Variants in ATXN3 observed in about 807,000 individuals in gnomAD.
The protein encoded by ATXN3 is ataxin 3.
Under a neutral mutation model 58.2 loss-of-function variants are expected in ATXN3, and 28 were observed. The observed-to-expected ratio is 0.48, with a 90% CI of 0.36 to 0.66. The LOEUF is 0.66. Ranked by LOEUF, ATXN3 falls within the 30% of genes least tolerant of loss-of-function variation. ATXN3 has a pLI of 0.00. For missense variants in ATXN3, 321 were observed against 422.1 expected, an observed-to-expected ratio of 0.76 and a Z score of 2.10; for synonymous variants, 113 against 138.5, an observed-to-expected ratio of 0.82 and a Z score of 1.29.
chr14:92,072,785 AG>A (rs2059667773), intron 9 of ATXN3, among the ~76,000 whole-genome samples: 1 of 152,076 alleles, frequency 6.6e-6, no homozygotes, highest in Non-Finnish European at 1.5e-5. Flanking sequence ...GAATTTGAAA[AG>A]GAACAAGGAT....
Position 92,098,405 on chromosome 14 carries a change from C to A in ATXN3, c.25-1567G>T, listed in dbSNP as rs150823108. 1.3e-3 allele frequency among the ~76,000 whole-genome samples: 198 copies of A among 152,132 alleles called. 1 individual carries two copies. In the East Asian group the frequency reaches 0.024, roughly 18 times the overall value. ...GAGTTCGAGACCAGCCTGACCAATACGGTGAAACCTCGTCTCTACTAAAAA... is the reference window on the plus strand; with the variant it reads ...GAGTTCGAGACCAGCCTGACCAATAAGGTGAAACCTCGTCTCTACTAAAAA... On this transcript the variant is annotated intron_variant, in intron 1 of 10. Coordinates refer to ENST00000644486, the MANE Select transcript of ATXN3 (RefSeq NM_004993.6).
intron 7 of ATXN3, 92 bp from the exon 8 acceptor site, chr14:92,082,558 T>C: frequency 3.4e-6 from 4 of 1,186,346 alleles, no homozygotes; most frequent in Non-Finnish European, 4.6e-6. Flanking sequence ...TTTAAGTAAG[T>C]CAAAACTTAA....
At chr14:92,072,444 C>T (rs2059600509) in intron 9 of ATXN3, among the ~76,000 whole-genome samples, 1 of 152,024 alleles carries the variant, frequency 6.6e-6, no homozygotes, top group Non-Finnish European at 1.5e-5. Context: ...TTTTGAGCAC[C>T]AACATGATAC....
In ATXN3 at chr14:92,064,375, A is replaced by C. The variant is rs2058003503; in HGVS notation, c.1031T>G (p.Val344Gly). Residue 344 changes from valine to glycine, a missense_variant, in exon 11 of 11, where the codon GTG becomes GGG. Val to Gly is a moderately radical substitution (Grantham distance 109, BLOSUM62 -3). Transcript: ENST00000644486. ...TCTGACAGTTTCTAAAGACATGGTCACAGCTGCCTGAAGCATGTCTTCTTC... is the reference window on the plus strand; with the variant it reads ...TCTGACAGTTTCTAAAGACATGGTCCCAGCTGCCTGAAGCATGTCTTCTTC... ...MSEEDMLQAA[V>G]TMSLETVRND... 1 of 1,613,224 alleles carries C rather than the reference A, an allele frequency of 6.2e-7. No homozygotes were observed. Among genetic ancestry groups the C allele is most frequent in the Non-Finnish European group, 8.5e-7 (1 of 1,179,552 alleles).
At chr14:92,076,749 G>T (rs890289477) in intron 9 of ATXN3, among the ~76,000 whole-genome samples, 2 of 151,968 alleles carry the variant, frequency 1.3e-5, no homozygotes, top group East Asian at 3.9e-4. Context: ...AAACCAGCCT[G>T]GGCAACATGG....
At position 92,064,376 on chromosome 14, in the gene ATXN3, C is replaced by A; in HGVS notation, c.1030G>T (p.Val344Leu). The stretch of plus-strand genomic sequence containing the variant: ...CTGACAGTTTCTAAAGACATGGTCA[C>A]AGCTGCCTGAAGCATGTCTTCTTCA... ...MSEEDMLQAA[V>L]TMSLETVRND... Residue 344 changes from valine to leucine, a missense_variant, in exon 11 of 11, where the codon GTG (valine) becomes TTG (leucine). Val to Leu is a conservative substitution (Grantham distance 32, BLOSUM62 1). Coordinates refer to ENST00000644486, the MANE Select transcript of ATXN3 (RefSeq NM_004993.6). The A allele has an allele frequency of 1.2e-6, 2 of 1,613,252 alleles. No homozygotes were observed. The highest frequency in any genetic ancestry group is 1.7e-6 in the Non-Finnish European group (2 of 1,179,512).
chr14:92,092,529 A>T (rs1595889125), intron 5 of ATXN3, among the ~76,000 whole-genome samples: 1 of 152,354 alleles, frequency 6.6e-6, no homozygotes, highest in East Asian at 1.9e-4. Context: ...TGCTTTATTC[A>T]TGCTTGACAC....
At chr14:92,072,840 T>C (rs910551150) in intron 9 of ATXN3, among the ~76,000 whole-genome samples, 2 of 152,230 alleles carry the variant, frequency 1.3e-5, no homozygotes, top group Non-Finnish European at 2.9e-5. Context: ...GGCACATTTT[T>C]TATAGAGTTC....
In ATXN3 at chr14:92,062,582, A is replaced by G. The variant is rs562006347; in HGVS notation, c.*1738T>C. 50 of 152,326 alleles carry G rather than the reference A, an allele frequency of 3.3e-4. No individual in the cohort carries two copies. The highest frequency in any genetic ancestry group is 1.2e-3 in the African/African-American group (49 of 41,578). 9.4% of individuals were successfully genotyped at this position (152,326 alleles called of 1,614,324 possible). On this transcript the variant is annotated 3_prime_UTR_variant, in exon 11 of 11. Coordinates refer to ENST00000644486, the MANE Select transcript of ATXN3 (RefSeq NM_004993.6). ...CTTGAGGGAGTAGTACTAAACTCCAACATCCCTTGCAGTTTTAAAGTTTTA... is the reference window on the plus strand; with the variant it reads ...CTTGAGGGAGTAGTACTAAACTCCAGCATCCCTTGCAGTTTTAAAGTTTTA...
In ATXN3 at chr14:92,106,415, G is replaced by T; in HGVS notation, c.24+114C>A. 5.0e-6 allele frequency: 7 copies of T among 1,386,450 alleles called. No individual in the cohort carries two copies. In the South Asian group the frequency reaches 7.1e-5, roughly 14 times the overall value. 85.9% of individuals were successfully genotyped at this position (1,386,450 alleles called of 1,614,324 possible). A position where few individuals can be genotyped will look rare whatever the true frequency, so the allele number is the denominator to read the frequency against. On this transcript the variant is annotated intron_variant, in intron 1 of 10. Coordinates refer to ENST00000644486, the MANE Select transcript of ATXN3 (RefSeq NM_004993.6). ...GCTGCGGCGTCGCCCCTCGCCGGGCGAGATCGGCATGGGGGCGACTCGGGC... is the reference window on the plus strand; with the variant it reads ...GCTGCGGCGTCGCCCCTCGCCGGGCTAGATCGGCATGGGGGCGACTCGGGC...
upstream of ATXN3, among the ~76,000 whole-genome samples, chr14:92,051,730 T>A (rs1387783342): frequency 8.5e-6 from 1 of 118,182 alleles, no homozygotes; most frequent in Non-Finnish European, 1.8e-5. Flanking sequence ...TTTTTTTTTT[T>A]TTTTTTTTTT....
At chr14:92,106,249 A>G (rs2068333824) in intron 1 of ATXN3, among the ~76,000 whole-genome samples, 1 of 151,922 alleles carries the variant, frequency 6.6e-6, no homozygotes. Flanking sequence ...GGCAGAAGCA[A>G]ACCCACTGGG....
chr14:92,090,390 T>C (rs1286424232), intron 5 of ATXN3: 1 of 152,126 alleles, frequency 6.6e-6, no homozygotes, highest in Non-Finnish European at 1.5e-5. Context: ...TTACAGGTGT[T>C]AGCCACTGCA....
chr14:92,055,590 G>A (rs1327637798), downstream of ATXN3, among the ~76,000 whole-genome samples: 3 of 152,160 alleles, frequency 2.0e-5, no homozygotes. The surrounding 1 kb of genome is among the most constrained non-coding windows in gnomAD (Gnocchi z 4.5). Flanking sequence ...AAGATCTTAT[G>A]TAAATGGAAT....
chr14:92,046,534 C>G (rs559100823), intron 2 of ATXN3, among the ~76,000 whole-genome samples: 1 of 152,168 alleles, frequency 6.6e-6, no homozygotes, highest in Non-Finnish European at 1.5e-5. Context: ...CTGCACAGCC[C>G]TGCATTTCAG....
chr14:92,071,186 A>G (rs2059389130), intron 9 of ATXN3, 133 bp from the exon 10 acceptor site: 1 of 1,322,904 alleles, frequency 7.6e-7, no homozygotes, highest in Middle Eastern at 1.8e-4. Flanking sequence ...AAAGAATGCA[A>G]GAGCAGTTAG....
At chr14:92,094,786 G>A (rs1951400888) in intron 3 of ATXN3, among the ~76,000 whole-genome samples, 1 of 152,186 alleles carries the variant, frequency 6.6e-6, no homozygotes, top group Non-Finnish European at 1.5e-5. Flanking sequence ...AGAGCAGCAA[G>A]GCACAAATAG....
chr14:92,048,710 G>C (rs569033613), intron 1 of ATXN3, among the ~76,000 whole-genome samples: 1 of 152,138 alleles, frequency 6.6e-6, no homozygotes, highest in Admixed American at 6.5e-5. Context: ...AGCCAGACAC[G>C]GTGTGAGGAG....
At chr14:92,055,190 G>GT (rs914946960), downstream of ATXN3, among the ~76,000 whole-genome samples, 60 of 151,676 alleles carry the variant, frequency 4.0e-4, no homozygotes, top group South Asian at 8.3e-4. This position sits in a 1 kb window ranked among gnomAD's most constrained non-coding sequence, Gnocchi z 4.5. Flanking sequence ...AGGATTTTTT[G>GT]TTTTTTTTAC....
Sources: gnomAD v4.1 joint callset for allele counts (sites outside exome capture counted in the v4.1 genomes callset) on GRCh38, gnomAD v4.1.1 for gene constraint, Gnocchi (gnomAD v3.1) non-coding constraint, MANE v1.5 for transcripts, NCBI Gene and HGNC (gene_info 2026-07-23, HGNC 2026-07-21) for gene names.